The following ABCA5 variants were observed in gnomAD, a reference collection of about 807,000 sequenced individuals.
ABCA5 encodes the protein ATP binding cassette subfamily A member 5.
A neutral mutation model predicts 206.0 loss-of-function variants in ABCA5; 163 were observed. The ratio of observed to expected loss-of-function variants is 0.79; its 90% CI spans 0.70 to 0.90. The LOEUF (loss-of-function observed/expected upper bound fraction) is 0.90, where lower values mean the gene tolerates loss of function less well. ABCA5 is among the 40% of genes least tolerant of loss of function. The pLI, the probability that ABCA5 is intolerant of heterozygous loss-of-function variation, is 0.00. For missense variants in ABCA5, 1,859 were observed against 1,912.9 expected, an observed-to-expected ratio of 0.97 and a Z score of 0.53; for synonymous variants, 609 against 613.8, an observed-to-expected ratio of 0.99 and a Z score of 0.11.
intron 31 of ABCA5, among the ~76,000 whole-genome samples, chr17:69,255,070 A>G (rs79086760): frequency 3.9e-3 from 588 of 152,314 alleles, no homozygotes; most frequent in African/African-American, 0.013. Flanking sequence ...CCCAAAGAAA[A>G]GAGTATGCCT....
chr17:69,266,210 T>C (rs2075205909), intron 23 of ABCA5, among the ~76,000 whole-genome samples: 3 of 152,168 alleles, frequency 2.0e-5, no homozygotes, highest in Non-Finnish European at 4.4e-5. Flanking sequence ...TTTTGAACTA[T>C]CAAAATTACA....
At chr17:69,256,115 C>T in intron 29 of ABCA5, 42 bp downstream of exon 29, 3 of 1,506,508 alleles carry the variant, frequency 2.0e-6, no homozygotes, top group Non-Finnish European at 2.6e-6. Flanking sequence ...GGGAATTGAT[C>T]ATTTCATATT....
rs1298797183 is a variant in ABCA5, at chr17:69,246,305, A to G, written c.*1232T>C. 6.6e-6 allele frequency: 1 copy of G among 151,934 alleles called. No homozygotes were observed. The highest frequency in any genetic ancestry group is 1.9e-4 in the East Asian group (1 of 5,202). The allele number at this position is 151,934 out of a possible 1,614,324, so 9.4% of individuals were successfully genotyped here. On this transcript the variant is annotated 3_prime_UTR_variant, in exon 39 of 39. Transcript: ENST00000392676. ...TGTCTAATACAATAATCACACTCTC[A>G]ATATATTTGTTTTATGAAGTTAATA...
At chr17:69,281,726 A>G (rs1346583192) in intron 18 of ABCA5, among the ~76,000 whole-genome samples, 2 of 152,224 alleles carry the variant, frequency 1.3e-5, no homozygotes, top group African/African-American at 2.4e-5. Flanking sequence ...AATAAGGCCA[A>G]TCTTTTAAAA....
At chr17:69,273,439 T>C (rs2075294970) in intron 20 of ABCA5, among the ~76,000 whole-genome samples, 1 of 141,566 alleles carries the variant, frequency 7.1e-6, no homozygotes, top group Admixed American at 7.2e-5. Flanking sequence ...AAGTATAAAT[T>C]TTTTTAACTA....
In ABCA5 at chr17:69,264,861, A is replaced by T; in HGVS notation, c.3189T>A (p.Ser1063=). The T allele has an allele frequency of 6.4e-7, 1 of 1,570,702 alleles. No individual in the cohort carries two copies. Among genetic ancestry groups the T allele is most frequent in the Non-Finnish European group, 8.6e-7 (1 of 1,161,358 alleles). Residue 1063 remains serine (S), a synonymous_variant, in exon 24 of 39, where the codon TCT becomes TCA. Coordinates refer to ENST00000392676, the MANE Select transcript of ABCA5 (RefSeq NM_172232.4). ...TQLKLSGLLP[S]AYWIGQAVVD... is the part of the protein sequence containing the mutation. ...CAACAGCTTGTCCAATCCAATATGCAGATGGCAAAAGACCTGAAAGTTTAA... is the reference window on the plus strand; with the variant it reads ...CAACAGCTTGTCCAATCCAATATGCTGATGGCAAAAGACCTGAAAGTTTAA...
intron 3 of ABCA5, among the ~76,000 whole-genome samples, chr17:69,310,157 A>AT (rs1567781833): frequency 7.9e-5 from 12 of 152,034 alleles, no homozygotes. Flanking sequence ...TTTATTTTAT[A>AT]TTTTTTTAGA....
intron 1 of ABCA5, chr17:69,315,558 G>C (rs2075808370): frequency 6.6e-6 from 1 of 152,302 alleles, no homozygotes; most frequent in South Asian, 2.1e-4. Flanking sequence ...GCCAAGGTGG[G>C]CAGATCACGA....
Position 69,277,724 on chromosome 17 carries a change from C to G in ABCA5, c.2511G>C (p.Met837Ile). 6.2e-7 allele frequency: 1 copy of G among 1,610,828 alleles called. No homozygotes were observed. The highest frequency in any genetic ancestry group is 8.5e-7 in the Non-Finnish European group (1 of 1,179,078). Residue 837 changes from methionine to isoleucine, a missense_variant, in exon 19 of 39, where the codon ATG becomes ATC. Physicochemically the swap from Met to Ile is conservative, Grantham distance 10 (BLOSUM62 1). Coordinates refer to ENST00000392676, the MANE Select transcript of ABCA5 (RefSeq NM_172232.4). ...TATACATCTGTTGTTTCCAAAGGCT[C>G]ATGGTGCTCACTAGAGCAGCCTTGG... ...SETKAALVST[M>I]SLWKQQMYTI...
chr17:69,325,478 C>A (rs749601004), intron 1 of ABCA5, among the ~76,000 whole-genome samples: 3 of 152,062 alleles, frequency 2.0e-5, no homozygotes, highest in Non-Finnish European at 2.9e-5. Context: ...TATTTTTAAT[C>A]CAACTAATTT....
At chr17:69,291,486 C>T (rs1033075689) in intron 11 of ABCA5, among the ~76,000 whole-genome samples, 160 bp from the exon 12 acceptor site, 1 of 152,094 alleles carries the variant, frequency 6.6e-6, no homozygotes, top group Non-Finnish European at 1.5e-5. Context: ...TTCTTTGTTA[C>T]AGTCAACGAT....
intron 35 of ABCA5, chr17:69,251,497 G>T: frequency 2.4e-6 from 1 of 415,330 alleles, no homozygotes; most frequent in Non-Finnish European, 4.1e-6. Flanking sequence ...ACAATTTTTT[G>T]AAATAACAAG....
intron 1 of ABCA5, among the ~76,000 whole-genome samples, chr17:69,322,139 AG>A (rs1203594114): frequency 1.3e-5 from 2 of 152,104 alleles, no homozygotes; most frequent in Non-Finnish European, 2.9e-5. Flanking sequence ...TGGGAGGCTG[AG>A]GCGGGAAGAT....
rs568129161 is a variant in ABCA5 at position 69,247,004 on chromosome 17, A to C, written c.*533T>G. 6.6e-6 allele frequency: 1 copy of C among 152,096 alleles called. No homozygotes were observed. Among genetic ancestry groups the C allele is most frequent in the East Asian group, 1.9e-4 (1 of 5,182 alleles). The allele number at this position is 152,096 out of a possible 1,614,324, so 9.4% of individuals were successfully genotyped here. A position where few individuals can be genotyped will look rare whatever the true frequency, so the allele number is the denominator to read the frequency against. On this transcript the variant is annotated 3_prime_UTR_variant, in exon 39 of 39. Transcript: ENST00000392676. ...ACCTAGTGGATATAACTTTCCTCAA[A>C]TCTCTATATTGAGATTTCCTAGTGC... is the stretch of plus-strand genomic sequence containing the variant.
At chr17:69,259,149 A>T (rs1421569663) in intron 28 of ABCA5, among the ~76,000 whole-genome samples, 1 of 152,100 alleles carries the variant, frequency 6.6e-6, no homozygotes, top group Non-Finnish European at 1.5e-5. Context: ...AACATTGTTC[A>T]TAATAGCTGA....
At chr17:69,304,479 C>G in intron 7 of ABCA5, 190 bp downstream of exon 7, 1 of 452,116 alleles carries the variant, frequency 2.2e-6, no homozygotes, top group Non-Finnish European at 3.8e-6. Context: ...AAATCTAAAA[C>G]TATTTTGTAA....
At chr17:69,275,058 G>A (rs1200386095) in intron 19 of ABCA5, among the ~76,000 whole-genome samples, 1 of 151,906 alleles carries the variant, frequency 6.6e-6, no homozygotes, top group Admixed American at 6.6e-5. Context: ...TGGCCAGACT[G>A]GTCTCAAACT....
chr17:69,303,853 T>TATATATATACATATATATAC (rs1555584175), intron 7 of ABCA5, among the ~76,000 whole-genome samples: 1 of 31,180 alleles, frequency 3.2e-5, no homozygotes, highest in African/African-American at 1.0e-4. Flanking sequence ...TACATATATA[T>TATATATATACATATATATAC]ATGTATATAT....
In ABCA5 at chr17:69,304,801, C is replaced by T. The variant is rs769189183; in HGVS notation, c.798G>A (p.Trp266Ter). Residue 266 changes from tryptophan (W) to a stop codon, truncating the protein, a stop_gained, in exon 7 of 39, where the codon TGG (tryptophan) becomes TGA (stop). Coordinates refer to ENST00000392676, the MANE Select transcript of ABCA5 (RefSeq NM_172232.4). LOFTEE classifies it high-confidence loss of function. ...GLHDTAFWLS[W>*]VLLYTSLIFL... ...AAATTAAACTTGTATATAGAAGAAC[C>T]CAGGAAAGCCTAAAATGAGAATACA... 3.8e-6 allele frequency: 6 copies of T among 1,590,000 alleles called. No homozygotes were observed. In the African/African-American group the frequency reaches 6.8e-5, roughly 18 times the overall value.
Sources: gnomAD v4.1 joint callset for allele counts (sites outside exome capture counted in the v4.1 genomes callset) on GRCh38, gnomAD v4.1.1 for gene constraint, MANE v1.5 for transcripts, NCBI Gene and HGNC (gene_info 2026-07-23, HGNC 2026-07-21) for gene names.